The following NEGR1 variants were observed in gnomAD, a reference collection of about 807,000 sequenced individuals.
NEGR1 encodes the protein neuronal growth regulator 1.
Under a neutral mutation model 40.9 loss-of-function variants are expected in NEGR1, and 10 were observed. The ratio of observed to expected loss-of-function variants is 0.24; its 90% CI spans 0.15 to 0.42. NEGR1 has a LOEUF of 0.42. NEGR1 is among the 10% of genes least tolerant of loss of function. The pLI is 1.00. For synonymous variants in NEGR1, 185 were observed against 166.8 expected (o/e 1.11, Z -0.84); for missense variants, 352 against 438.9 (o/e 0.80, Z 1.77).
chr1:71,841,739 G>A (rs967935089), intron 2 of NEGR1, among the ~76,000 whole-genome samples: 4 of 152,112 alleles, frequency 2.6e-5, no homozygotes, highest in East Asian at 1.9e-4. Flanking sequence ...ACAGCATATC[G>A]TAGAAATACA....
intron 3 of NEGR1, among the ~76,000 whole-genome samples, chr1:71,714,038 G>T (rs2101646349): frequency 6.6e-6 from 1 of 152,180 alleles, no homozygotes; most frequent in East Asian, 1.9e-4. Context: ...AAAAATACCA[G>T]AGACTGGGTA....
intron 2 of NEGR1, among the ~76,000 whole-genome samples, chr1:71,921,703 A>AAT (rs61614174): frequency 0.11 from 15,003 of 133,638 alleles, 882 homozygotes; most frequent in Non-Finnish European, 0.16. Flanking sequence ...ACAGTACAAG[A>AAT]ATATATATAT....
chr1:71,667,027 GA>G (rs1206026409), intron 4 of NEGR1, among the ~76,000 whole-genome samples: 2 of 151,906 alleles, frequency 1.3e-5, no homozygotes, highest in Non-Finnish European at 2.9e-5. Flanking sequence ...ATTTCTACAG[GA>G]AAAAAATTAT....
At chr1:71,476,456 G>A (rs1196850219) in intron 6 of NEGR1, among the ~76,000 whole-genome samples, 1 of 152,140 alleles carries the variant, frequency 6.6e-6, no homozygotes, top group African/African-American at 2.4e-5. Flanking sequence ...AAGTCCTGGA[G>A]TGTGATGCTT....
intron 4 of NEGR1, among the ~76,000 whole-genome samples, chr1:71,645,357 A>G (rs1003100798): frequency 2.6e-5 from 4 of 151,998 alleles, no homozygotes; most frequent in Admixed American, 1.3e-4. Flanking sequence ...TATACTAAAT[A>G]TTCAGGACAG....
chr1:72,087,314 C>T (rs1211237243), intron 1 of NEGR1, among the ~76,000 whole-genome samples: 2 of 151,968 alleles, frequency 1.3e-5, no homozygotes, highest in African/African-American at 2.4e-5. Flanking sequence ...ATCTGTAATC[C>T]CAGCTACTCC....
chr1:72,206,301 G>A (rs1404167939), intron 1 of NEGR1, among the ~76,000 whole-genome samples: 1 of 151,824 alleles, frequency 6.6e-6, no homozygotes, highest in Non-Finnish European at 1.5e-5. Flanking sequence ...TTGAAAATGT[G>A]GCTTACTGTG....
chr1:71,848,733 A>G (rs550134230), intron 2 of NEGR1, among the ~76,000 whole-genome samples: 2 of 152,210 alleles, frequency 1.3e-5, no homozygotes, highest in Non-Finnish European at 2.9e-5. Flanking sequence ...CTAACGAAAC[A>G]TCCTTTTTGT....
At chr1:71,862,466 G>A (rs1446927112) in intron 2 of NEGR1, among the ~76,000 whole-genome samples, 2 of 152,012 alleles carry the variant, frequency 1.3e-5, no homozygotes, top group African/African-American at 2.4e-5. Context: ...TGGACTATTA[G>A]ATATTACAAA....
At chr1:72,027,396 T>C (rs540806714) in intron 1 of NEGR1, among the ~76,000 whole-genome samples, 26 of 152,202 alleles carry the variant, frequency 1.7e-4, no homozygotes, top group African/African-American at 5.5e-4. Flanking sequence ...GGATTTAGCC[T>C]TCACTGGTTT....
chr1:71,409,269 A>G (rs1234225288), intron 6 of NEGR1, among the ~76,000 whole-genome samples: 2 of 151,746 alleles, frequency 1.3e-5, no homozygotes, highest in South Asian at 4.1e-4. Context: ...TATTTAATAT[A>G]TGACCTTCTC....
intron 1 of NEGR1, among the ~76,000 whole-genome samples, chr1:72,055,808 A>T (rs527263748): frequency 2.0e-5 from 3 of 147,034 alleles, no homozygotes; most frequent in Non-Finnish European, 4.5e-5. Flanking sequence ...TTATATATAT[A>T]TATAATCTGT....
chr1:71,967,347 C>G (rs952791339), intron 1 of NEGR1, among the ~76,000 whole-genome samples: 33 of 152,252 alleles, frequency 2.2e-4, no homozygotes, highest in African/African-American at 7.7e-4. Flanking sequence ...AGCAATTCAG[C>G]CCAACCGTCA....
intron 4 of NEGR1, among the ~76,000 whole-genome samples, chr1:71,696,852 A>G (rs1194503403): frequency 2.0e-5 from 3 of 151,796 alleles, no homozygotes; most frequent in African/African-American, 7.2e-5. Flanking sequence ...CAATTTTACT[A>G]CAATTTGTTT....
At chr1:71,527,781 G>A (rs1315651859) in intron 6 of NEGR1, among the ~76,000 whole-genome samples, 1 of 150,796 alleles carries the variant, frequency 6.6e-6, no homozygotes, top group Non-Finnish European at 1.5e-5. Context: ...TTAAAAGGTT[G>A]TTTATTATCC....
intron 1 of NEGR1, among the ~76,000 whole-genome samples, chr1:72,198,666 G>C (rs144343880): frequency 9.9e-5 from 15 of 151,450 alleles, no homozygotes; most frequent in South Asian, 2.1e-4. Context: ...TGCTCTCTTT[G>C]ATTATAATAA....
chr1:72,246,867 C>CT (rs1489835508), intron 1 of NEGR1, among the ~76,000 whole-genome samples: 33 of 152,360 alleles, frequency 2.2e-4, no homozygotes, highest in African/African-American at 7.7e-4. Flanking sequence ...CATATATCCT[C>CT]TGAAATCTAG....
intron 3 of NEGR1, among the ~76,000 whole-genome samples, chr1:71,761,897 A>G (rs893656957): frequency 1.9e-4 from 29 of 152,136 alleles, no homozygotes; most frequent in African/African-American, 7.0e-4. Flanking sequence ...AATATAAAAG[A>G]TAGGTAAATA....
chr1:71,410,105 A>G (rs1646309091), intron 6 of NEGR1, among the ~76,000 whole-genome samples: 1 of 152,128 alleles, frequency 6.6e-6, no homozygotes, highest in Non-Finnish European at 1.5e-5. Flanking sequence ...TTACTTTACA[A>G]TTAAAATAGC....
Sources: allele counts gnomAD v4.1 joint callset (sites outside exome capture counted in the v4.1 genomes callset), GRCh38; gene constraint gnomAD v4.1.1; transcripts MANE v1.5; gene names NCBI Gene and HGNC (gene_info 2026-07-23, HGNC 2026-07-21).